The following DLC1 variants were observed in gnomAD, a reference collection of about 807,000 sequenced individuals.
DLC1 encodes the protein rho GTPase-activating protein 7.
A neutral mutation model predicts 140.3 loss-of-function variants in DLC1; 54 were observed. The observed-to-expected ratio is 0.38, with a 90% CI of 0.31 to 0.48. The LOEUF is 0.48. Among genes scored for constraint, DLC1 ranks in the 20% least tolerant of loss-of-function variants. DLC1 has a pLI of 0.96. For synonymous variants in DLC1, 986 were observed against 728.1 expected, an observed-to-expected ratio of 1.35 and a Z score of -5.70; for missense variants, 2,536 against 1,907.0, an observed-to-expected ratio of 1.33 and a Z score of -6.14.
intron 3 of DLC1, among the ~76,000 whole-genome samples, chr8:13,401,057 A>T (rs1293299968): frequency 6.6e-6 from 1 of 152,190 alleles, no homozygotes; most frequent in South Asian, 2.1e-4. Context: ...CCATCCATCC[A>T]TCCATTTACT....
At chr8:13,410,191 A>T (rs992420846) in intron 2 of DLC1, among the ~76,000 whole-genome samples, 1 of 152,136 alleles carries the variant, frequency 6.6e-6, no homozygotes, top group Non-Finnish European at 1.5e-5. Flanking sequence ...AATTAAAATT[A>T]AAAAAACCTC....
At chr8:13,220,262 A>G (rs189391411) in intron 5 of DLC1, among the ~76,000 whole-genome samples, 1 of 152,234 alleles carries the variant, frequency 6.6e-6, no homozygotes, top group African/African-American at 2.4e-5. Context: ...GCCTTTTTTG[A>G]AGAAGGTGGG....
intron 5 of DLC1, among the ~76,000 whole-genome samples, chr8:13,293,298 T>C (rs1300509452): frequency 6.6e-6 from 1 of 152,166 alleles, no homozygotes; most frequent in Non-Finnish European, 1.5e-5. Flanking sequence ...TAAATGGTTA[T>C]AAAAAGAGAT....
chr8:13,148,044 T>C (rs143919469), intron 5 of DLC1, among the ~76,000 whole-genome samples: 3 of 152,280 alleles, frequency 2.0e-5, no homozygotes, highest in Non-Finnish European at 4.4e-5. Flanking sequence ...ACCATTGTTG[T>C]ATTCTTCCTC....
At chr8:13,299,302 G>T (rs560507798) in intron 5 of DLC1, among the ~76,000 whole-genome samples, 1 of 151,700 alleles carries the variant, frequency 6.6e-6, no homozygotes, top group African/African-American at 2.4e-5. Flanking sequence ...AAAAAAATTA[G>T]CCAGGTGTGG....
In DLC1 at chr8:13,159,282, TGA is replaced by T. The variant is rs1369845220; in HGVS notation, c.1349-43627_1349-43626del. On this transcript the variant is annotated intron_variant, in intron 5 of 17. Transcript: ENST00000276297. ...CTGCCAAGCTACAGAAGCTCCTAAG[TGA>T]GAGTATCACACGGGATGCCAAGCGG... Among the ~76,000 whole-genome samples the T allele has an allele frequency of 2.6e-5, 4 of 152,276 alleles. No homozygotes were observed. The South Asian group carries it at 8.3e-4, about 32-fold the overall frequency.
chr8:13,183,777 C>T (rs1306489601), intron 5 of DLC1, among the ~76,000 whole-genome samples: 2 of 152,014 alleles, frequency 1.3e-5, no homozygotes, highest in Non-Finnish European at 2.9e-5. Context: ...CTAAAATTCT[C>T]TTTTTTTGTT....
At chr8:13,565,105 A>G (rs950158752) in intron 1 of DLC1, among the ~76,000 whole-genome samples, 1 of 152,202 alleles carries the variant, frequency 6.6e-6, no homozygotes, top group African/African-American at 2.4e-5. Context: ...TTTCTTCCTT[A>G]GATAACACAC....
intron 4 of DLC1, among the ~76,000 whole-genome samples, chr8:13,320,220 C>G: frequency 6.6e-6 from 1 of 152,100 alleles, no homozygotes; most frequent in East Asian, 1.9e-4. Flanking sequence ...AATATGAACA[C>G]TAGAATAAAA....
intron 1 of DLC1, among the ~76,000 whole-genome samples, chr8:13,526,198 A>G (rs1421011314): frequency 6.6e-6 from 1 of 152,134 alleles, no homozygotes; most frequent in Non-Finnish European, 1.5e-5. Context: ...ACAATACCAC[A>G]CTGCATTAAC....
chr8:13,221,103 C>A (rs1396342264), intron 5 of DLC1, among the ~76,000 whole-genome samples: 2 of 152,198 alleles, frequency 1.3e-5, no homozygotes, highest in East Asian at 3.9e-4. Context: ...TAGCCACTTT[C>A]AACTCATTGG....
chr8:13,139,058 G>C (rs1387206584), intron 5 of DLC1, among the ~76,000 whole-genome samples: 1 of 151,844 alleles, frequency 6.6e-6, no homozygotes, highest in African/African-American at 2.4e-5. Context: ...GCTAAGGTGG[G>C]AAAATCACAA....
At chr8:13,101,733 AT>A (rs1819106653) in intron 8 of DLC1, among the ~76,000 whole-genome samples, 1 of 152,180 alleles carries the variant, frequency 6.6e-6, no homozygotes. Context: ...GCTCCAGCCA[AT>A]TGAACAAGGC....
chr8:13,447,675 A>G (rs569776363), intron 2 of DLC1, among the ~76,000 whole-genome samples: 1 of 152,334 alleles, frequency 6.6e-6, no homozygotes, highest in East Asian at 1.9e-4. Flanking sequence ...GTTTACAAAG[A>G]GGGTAGGTGA....
At chr8:13,348,637 G>T (rs1563272842) in intron 4 of DLC1, among the ~76,000 whole-genome samples, 1 of 152,038 alleles carries the variant, frequency 6.6e-6, no homozygotes, top group Admixed American at 6.5e-5. Flanking sequence ...GGTCCTTCTG[G>T]TTAGAAAATC....
chr8:13,289,206 A>G (rs529843827), intron 5 of DLC1, among the ~76,000 whole-genome samples: 1 of 152,010 alleles, frequency 6.6e-6, no homozygotes, highest in East Asian at 1.9e-4. Flanking sequence ...TTTTATTATT[A>G]TTATTATTAT....
At chr8:13,538,056 A>C (rs2117323533) in intron 1 of DLC1, among the ~76,000 whole-genome samples, 1 of 152,342 alleles carries the variant, frequency 6.6e-6, no homozygotes, top group African/African-American at 2.4e-5. Flanking sequence ...CTGAAGTAAT[A>C]ATAAAAATAA....
At chr8:13,260,982 C>A (rs751692444) in intron 5 of DLC1, among the ~76,000 whole-genome samples, 2 of 152,076 alleles carry the variant, frequency 1.3e-5, no homozygotes, top group Admixed American at 1.3e-4. Context: ...GTGTGTATGC[C>A]TTTTGGTTTA....
At chr8:13,205,221 C>G (rs1270990307) in intron 5 of DLC1, among the ~76,000 whole-genome samples, 1 of 152,182 alleles carries the variant, frequency 6.6e-6, no homozygotes, top group Non-Finnish European at 1.5e-5. Context: ...TGGACTTACT[C>G]TAAGGCAGGG....
Sources: allele counts gnomAD v4.1 joint callset (sites outside exome capture counted in the v4.1 genomes callset), GRCh38; gene constraint gnomAD v4.1.1; transcripts MANE v1.5; gene names NCBI Gene and HGNC (gene_info 2026-07-23, HGNC 2026-07-21).